Variants in DGCR2 observed in about 807,000 individuals in gnomAD.
DGCR2 encodes integral membrane protein DGCR2/IDD.
DGCR2 carries 24 observed loss-of-function variants against 51.6 expected under a neutral mutation model. The ratio of observed to expected loss-of-function variants is 0.47; its 90% CI spans 0.34 to 0.65. DGCR2 has a LOEUF of 0.65. Among genes scored for constraint, DGCR2 ranks in the 30% least tolerant of loss-of-function variants. The pLI, the probability that DGCR2 is intolerant of heterozygous loss-of-function variation, is 0.01. For missense variants in DGCR2, 765 were observed against 772.1 expected, an observed-to-expected ratio of 0.99 and a Z score of 0.11; for synonymous variants, 340 against 315.4, an observed-to-expected ratio of 1.08 and a Z score of -0.82.
Position 19,041,800 on chromosome 22 carries a change from C to A in DGCR2, c.1159+7G>T. 2 of 1,610,680 alleles carry A rather than the reference C, an allele frequency of 1.2e-6. No homozygotes were observed. The highest frequency in any genetic ancestry group is 1.7e-5 in the Admixed American group (1 of 59,932). On this transcript the variant is annotated splice_region_variant and intron_variant, in intron 8 of 9. Transcript: ENST00000263196. Reference sequence around the variant, plus strand: ...GACCAGGGTTGTGGCCCTCAGAGGGCACTTACAGTTTGCTCCAATCAGGGA... The same window carrying A: ...GACCAGGGTTGTGGCCCTCAGAGGGAACTTACAGTTTGCTCCAATCAGGGA...
chr22:19,050,968 C>T lies in DGCR2; in HGVS notation c.803-2325G>A, dbSNP rs575032686. On this transcript the variant is annotated intron_variant, in intron 6 of 9. Coordinates refer to ENST00000263196, the MANE Select transcript of DGCR2 (RefSeq NM_005137.3). ...CTTTGTGAGGCCGAGGTAGGTGGAT[C>T]ACCTGAGGTCAGGAGTTTGAGACCA... 2.0e-5 allele frequency among the ~76,000 whole-genome samples: 3 copies of T among 152,158 alleles called. No individual in the cohort carries two copies. In the South Asian group the frequency reaches 6.2e-4, roughly 32 times the overall value.
intron 1 of DGCR2, among the ~76,000 whole-genome samples, chr22:19,107,107 G>A (rs2083268040): frequency 6.6e-6 from 1 of 152,096 alleles, no homozygotes; most frequent in Non-Finnish European, 1.5e-5. Flanking sequence ...CTTTGATATG[G>A]CTCCCTAAAT....
At chr22:19,096,004 T>G (rs1189452294) in intron 1 of DGCR2, among the ~76,000 whole-genome samples, 1 of 152,174 alleles carries the variant, frequency 6.6e-6, no homozygotes, top group Non-Finnish European at 1.5e-5. Context: ...GCTTGCCCCA[T>G]GACTGGTACT....
At chr22:19,117,631 G>T (rs2083387148) in intron 1 of DGCR2, among the ~76,000 whole-genome samples, 1 of 152,200 alleles carries the variant, frequency 6.6e-6, no homozygotes, top group South Asian at 2.1e-4. Flanking sequence ...ACATACACAT[G>T]GAAGATGAGG....
intron 2 of DGCR2, among the ~76,000 whole-genome samples, chr22:19,078,671 GACC>G (rs2082905143): frequency 6.6e-6 from 1 of 152,296 alleles, no homozygotes; most frequent in South Asian, 2.1e-4. Context: ...TTCAGTCTTT[GACC>G]ACTGACTGAT....
chr22:19,094,167 C>A (rs1199854999), intron 1 of DGCR2, among the ~76,000 whole-genome samples: 1 of 152,276 alleles, frequency 6.6e-6, no homozygotes, highest in African/African-American at 2.4e-5. Context: ...GCGGCCCATG[C>A]CTGTGATCCC....
chr22:19,076,724 A>ATTTTTTTTTTTTTTT (rs1165827499), intron 2 of DGCR2, among the ~76,000 whole-genome samples: 2 of 79,952 alleles, frequency 2.5e-5, no homozygotes, highest in Non-Finnish European at 4.4e-5. Flanking sequence ...TCCTTTGCAC[A>ATTTTTTTTTTTTTTT]TTTTTTTTTT....
At chr22:19,062,209 C>A (rs927922920) in intron 5 of DGCR2, among the ~76,000 whole-genome samples, 1 of 152,226 alleles carries the variant, frequency 6.6e-6, no homozygotes. Flanking sequence ...GTGGCTGGGG[C>A]TCTCAGGAGG....
chr22:19,068,116 C>T lies in DGCR2; in HGVS notation c.312G>A (p.Gln104=), dbSNP rs575592075. 2.5e-6 allele frequency: 4 copies of T among 1,595,738 alleles called. No individual in the cohort carries two copies. The South Asian group carries it at 3.4e-5, about 13-fold the overall frequency. The change falls in exon 3 of 10, where the codon CAG becomes CAA. Residue 104 remains glutamine (Q), a synonymous_variant. Transcript: ENST00000263196. The part of the protein sequence containing the change: ...PSHFHAVNVA[Q]PVRFSSFLGK... ...GCAACTTACTGCTGAAGCGAACGGG[C>T]TGCGCCACGTTCACCGCGTGGAAGT... is the stretch of plus-strand genomic sequence containing the variant.
chr22:19,071,310 G>A (rs528567787), intron 2 of DGCR2, among the ~76,000 whole-genome samples: 27 of 152,324 alleles, frequency 1.8e-4, no homozygotes, highest in Admixed American at 9.8e-4. Context: ...CAGAATCAGG[G>A]AGAATACCTA....
intron 5 of DGCR2, among the ~76,000 whole-genome samples, chr22:19,059,912 C>T (rs1288179425): frequency 5.9e-5 from 9 of 152,128 alleles, no homozygotes; most frequent in African/African-American, 1.9e-4. Flanking sequence ...CCCCATTGTT[C>T]GAGTGGTGGG....
intron 7 of DGCR2, among the ~76,000 whole-genome samples, chr22:19,044,639 T>C (rs897373989): frequency 6.6e-6 from 1 of 152,236 alleles, no homozygotes; most frequent in African/African-American, 2.4e-5. Flanking sequence ...CTCTGCACCT[T>C]GGCCAGCACT....
intron 2 of DGCR2, among the ~76,000 whole-genome samples, chr22:19,072,043 G>A (rs900244273): frequency 6.6e-6 from 1 of 152,084 alleles, no homozygotes; most frequent in African/African-American, 2.4e-5. Flanking sequence ...ATTAAAAGGT[G>A]GGCGCAGGGA....
intron 7 of DGCR2, chr22:19,047,060 G>C (rs2082498030): frequency 6.4e-6 from 1 of 155,142 alleles, no homozygotes; most frequent in Non-Finnish European, 1.4e-5. Context: ...CAGGGAACTT[G>C]ATAAGCACTC....
chr22:19,068,062 C>T (rs1384872335), intron 3 of DGCR2, 38 bp downstream of exon 3: 2 of 1,515,050 alleles, frequency 1.3e-6, no homozygotes, highest in Non-Finnish European at 8.8e-7. Flanking sequence ...CAGGCTTGCA[C>T]TCCCCAGTGT....
intron 1 of DGCR2, among the ~76,000 whole-genome samples, chr22:19,097,570 T>C (rs2083156109): frequency 6.6e-6 from 1 of 151,992 alleles, no homozygotes; most frequent in Non-Finnish European, 1.5e-5. Flanking sequence ...AAGTAAAGCT[T>C]CCTGAGGGCA....
At chr22:19,085,620 G>A (rs568980057) in intron 2 of DGCR2, among the ~76,000 whole-genome samples, 41 of 152,328 alleles carry the variant, frequency 2.7e-4, no homozygotes, top group Middle Eastern at 3.4e-3. Flanking sequence ...GGGAGTGAGT[G>A]GGAAGGTACT....
intron 6 of DGCR2, among the ~76,000 whole-genome samples, chr22:19,053,142 C>G (rs1298142797): frequency 2.0e-5 from 3 of 152,194 alleles, no homozygotes; most frequent in Admixed American, 2.0e-4. Context: ...ATACCTGGAG[C>G]CTTTAGGGCC....
intron 1 of DGCR2, among the ~76,000 whole-genome samples, chr22:19,108,982 G>A (rs920776903): frequency 1.3e-5 from 2 of 151,984 alleles, no homozygotes; most frequent in Admixed American, 1.3e-4. Context: ...AGGGAGTTAC[G>A]ATTACACCAC....
Sources: allele counts gnomAD v4.1 joint callset (sites outside exome capture counted in the v4.1 genomes callset), GRCh38; gene constraint gnomAD v4.1.1; transcripts MANE v1.5; gene names NCBI Gene and HGNC (gene_info 2026-07-23, HGNC 2026-07-21).